Variants in SBF2 observed in about 807,000 individuals in gnomAD.
SBF2 encodes myotubularin-related protein 13.
In SBF2, 112 loss-of-function variants were observed where a neutral mutation model predicts 225.2. The observed-to-expected ratio is 0.50, with a 90% CI of 0.43 to 0.58. The LOEUF is 0.58. Among genes scored for constraint, SBF2 ranks in the 20% least tolerant of loss-of-function variants. SBF2 has a pLI of 0.00. For synonymous variants in SBF2, 763 were observed against 773.3 expected (o/e 0.99, Z 0.22); for missense variants, 1,996 against 2,206.2 (o/e 0.90, Z 1.91).
chr11:10,169,575 T>C (rs1956107476), intron 2 of SBF2, among the ~76,000 whole-genome samples: 1 of 152,184 alleles, frequency 6.6e-6, no homozygotes, highest in Admixed American at 6.6e-5. Context: ...TATCCGTTTG[T>C]CTGTTGATGG....
At chr11:10,168,452 A>G (rs1475471620) in intron 2 of SBF2, among the ~76,000 whole-genome samples, 5 of 152,166 alleles carry the variant, frequency 3.3e-5, no homozygotes, top group South Asian at 2.1e-4. Context: ...TCAAGAACCA[A>G]TTCTTCCCTT....
At position 9,992,535 on chromosome 11, in the gene SBF2, G is replaced by T; in HGVS notation, c.1176C>A (p.Phe392Leu). The change falls in exon 12 of 40, where the codon TTC (phenylalanine) becomes TTA (leucine). Residue 392 changes from phenylalanine to leucine, a missense_variant. By Grantham distance (22) the Phe-to-Leu change is conservative. Transcript: ENST00000256190. ...EPVIHFHKTA[F>L]LGQRGLVEND... ...TCTCGACCAAACCACGCTGCCCCAA[G>T]AATGCTGTCTGTGAAAAAAGAAAAT... is the stretch of plus-strand genomic sequence containing the variant. 6.2e-7 allele frequency: 1 copy of T among 1,611,086 alleles called. No homozygotes were observed. Among genetic ancestry groups the T allele is most frequent in the Non-Finnish European group, 8.5e-7 (1 of 1,178,712 alleles).
At chr11:9,838,476 G>A (rs1855880051) in intron 26 of SBF2, 1 of 152,130 alleles carries the variant, frequency 6.6e-6, no homozygotes, top group Non-Finnish European at 1.5e-5. Context: ...TAGAATGACG[G>A]AGAATTCCAG....
chr11:10,217,641 C>G (rs541167099), intron 1 of SBF2, among the ~76,000 whole-genome samples: 196 of 152,192 alleles, frequency 1.3e-3, no homozygotes, highest in African/African-American at 4.5e-3. Flanking sequence ...ATGCCTCTAT[C>G]AGAGGCCAAA....
At chr11:9,845,472 G>T in intron 24 of SBF2, 93 bp downstream of exon 24, 2 of 1,136,374 alleles carry the variant, frequency 1.8e-6, no homozygotes. Flanking sequence ...AATGAAAACA[G>T]CAATCGCTTA....
intron 16 of SBF2, among the ~76,000 whole-genome samples, chr11:9,927,409 CCAA>C: frequency 1.3e-5 from 2 of 152,256 alleles, no homozygotes; most frequent in Admixed American, 1.3e-4. Flanking sequence ...TACCCTGCTA[CCAA>C]AACCAGACAC....
intron 19 of SBF2, 73 bp from the exon 20 acceptor site, chr11:9,853,785 T>C (rs529620671): frequency 7.4e-7 from 1 of 1,348,272 alleles, no homozygotes; most frequent in Non-Finnish European, 1.1e-6. Context: ...GTAGTCAATT[T>C]ACATAGCGAC....
chr11:10,031,983 C>A (rs1302040302), intron 3 of SBF2, among the ~76,000 whole-genome samples: 1 of 152,164 alleles, frequency 6.6e-6, no homozygotes, highest in Non-Finnish European at 1.5e-5. Flanking sequence ...TCAAGTGATG[C>A]TCCTGCCTTA....
intron 32 of SBF2, among the ~76,000 whole-genome samples, chr11:9,805,247 A>G (rs1223533949): frequency 6.7e-6 from 1 of 149,352 alleles, no homozygotes; most frequent in Non-Finnish European, 1.5e-5. Context: ...CTCTGTCTCA[A>G]AAAAAAAAAA....
rs1361555333 is a variant in SBF2, at chr11:9,850,010, T to G, written c.2806+13A>C. The G allele has an allele frequency of 1.2e-6, 2 of 1,611,018 alleles. No homozygotes were observed. Among genetic ancestry groups the G allele is most frequent in the Non-Finnish European group, 1.7e-6 (2 of 1,177,318 alleles). ...CACAGATACCCATGTTCTGATGGCA[T>G]ATCGAGTCATACCTAACTGATCATG... On this transcript the variant is annotated intron_variant, in intron 22 of 39. Coordinates refer to ENST00000256190, the MANE Select transcript of SBF2 (RefSeq NM_030962.4).
intron 1 of SBF2, 39 bp from the exon 2 acceptor site, chr11:10,194,026 C>T (rs762955610): frequency 1.6e-6 from 2 of 1,263,490 alleles, no homozygotes; most frequent in African/African-American, 2.9e-5. Flanking sequence ...TTATAGGACA[C>T]TAAAAACTAC....
chr11:9,860,309 C>A (rs1196677989), intron 17 of SBF2, among the ~76,000 whole-genome samples: 3 of 139,754 alleles, frequency 2.1e-5, no homozygotes, highest in Non-Finnish European at 1.5e-5. Flanking sequence ...GTTACCCAGG[C>A]TGGAGTGCAG....
At chr11:9,984,256 T>G (rs1289131282) in intron 13 of SBF2, among the ~76,000 whole-genome samples, 1 of 152,064 alleles carries the variant, frequency 6.6e-6, no homozygotes, top group African/African-American at 2.4e-5. Flanking sequence ...TCAAGAAACT[T>G]TGGACACACT....
intron 2 of SBF2, among the ~76,000 whole-genome samples, chr11:10,079,502 G>A (rs906926020): frequency 1.3e-5 from 2 of 152,128 alleles, no homozygotes; most frequent in Non-Finnish European, 2.9e-5. Flanking sequence ...AAGAATCTCA[G>A]AAACTGAAGA....
chr11:10,280,748 T>G (rs1328999498), intron 1 of SBF2, among the ~76,000 whole-genome samples: 1 of 151,546 alleles, frequency 6.6e-6, no homozygotes, highest in Non-Finnish European at 1.5e-5. Flanking sequence ...TACAGCATGG[T>G]GTACTGCAGT....
intron 8 of SBF2, among the ~76,000 whole-genome samples, chr11:9,998,625 C>T (rs1471542672): frequency 6.6e-6 from 1 of 152,184 alleles, no homozygotes; most frequent in African/African-American, 2.4e-5. Context: ...CATGTGTTTT[C>T]CTGTCCTTCA....
At chr11:10,042,245 C>G (rs963482142) in intron 3 of SBF2, among the ~76,000 whole-genome samples, 1 of 152,166 alleles carries the variant, frequency 6.6e-6, no homozygotes, top group African/African-American at 2.4e-5. Flanking sequence ...GTCCCTCACC[C>G]CTAAAATTTC....
At chr11:9,913,111 C>A (rs190009832) in intron 16 of SBF2, among the ~76,000 whole-genome samples, 12 of 152,266 alleles carry the variant, frequency 7.9e-5, no homozygotes, top group African/African-American at 2.6e-4. Flanking sequence ...TGGTGAAACC[C>A]TGTTTCTATG....
At chr11:10,166,048 G>A (rs756591882) in intron 2 of SBF2, among the ~76,000 whole-genome samples, 1 of 152,062 alleles carries the variant, frequency 6.6e-6, no homozygotes, top group Non-Finnish European at 1.5e-5. Context: ...ATACAATACC[G>A]AGTCCATAAG....
Sources: allele counts gnomAD v4.1 joint callset (sites outside exome capture counted in the v4.1 genomes callset), GRCh38; gene constraint gnomAD v4.1.1; transcripts MANE v1.5; gene names NCBI Gene and HGNC (gene_info 2026-07-23, HGNC 2026-07-21).